Variants in HSCB observed in about 807,000 individuals in gnomAD.
HSCB encodes iron-sulfur cluster co-chaperone protein HscB.
HSCB carries 23 observed loss-of-function variants against 31.3 expected under a neutral mutation model. That is an observed-to-expected ratio of 0.74 (90% CI 0.53 to 1.04). The LOEUF (loss-of-function observed/expected upper bound fraction) is 1.04, where lower values mean the gene tolerates loss of function less well. Among genes scored for constraint, HSCB ranks in the 50% least tolerant of loss-of-function variants. The pLI is 0.00. For synonymous variants in HSCB, 110 were observed against 104.5 expected (o/e 1.05, Z -0.32); for missense variants, 297 against 288.1 (o/e 1.03, Z -0.22).
intron 4 of HSCB, among the ~76,000 whole-genome samples, chr22:28,749,282 C>T (rs2030063761): frequency 6.6e-6 from 1 of 152,146 alleles, no homozygotes; most frequent in African/African-American, 2.4e-5. Flanking sequence ...CTTCCAGTTC[C>T]TCATCTATAC....
chr22:28,757,206 G>T lies in HSCB; in HGVS notation c.*37G>T, dbSNP rs747399462. On this transcript the variant is annotated 3_prime_UTR_variant, in exon 6 of 6. Transcript: ENST00000216027. ...TTAAAGTTTAAAAAATAAAGTTCTT[G>T]CTGGGCACAGTGGCTCACACCTGTA... The T allele has an allele frequency of 8.7e-7, 1 of 1,149,096 alleles. No individual in the cohort carries two copies. The highest frequency in any genetic ancestry group is 1.2e-5 in the South Asian group (1 of 80,862). 71.2% of individuals were successfully genotyped at this position (1,149,096 alleles called of 1,614,324 possible). A position where few individuals can be genotyped will look rare whatever the true frequency, so the allele number is the denominator to read the frequency against.
intron 4 of HSCB, among the ~76,000 whole-genome samples, chr22:28,749,120 A>G (rs2030044205): frequency 6.6e-6 from 1 of 150,734 alleles, no homozygotes; most frequent in African/African-American, 2.5e-5. Context: ...CAGTTTCAGC[A>G]ACAGAGCGAA....
chr22:28,750,247 C>CA (rs563701958), intron 4 of HSCB, among the ~76,000 whole-genome samples: 1,944 of 64,678 alleles, frequency 0.03, 276 homozygotes, highest in Non-Finnish European at 0.042. Flanking sequence ...GAAACTGTCT[C>CA]AAAAAAAAAA....
Position 28,742,243 on chromosome 22 carries a change from C to G in HSCB, c.148C>G (p.Pro50Ala), listed in dbSNP as rs772138846. 2 of 1,614,056 alleles carry G rather than the reference C, an allele frequency of 1.2e-6. No individual in the cohort carries two copies. Among genetic ancestry groups the G allele is most frequent in the Non-Finnish European group, 1.7e-6 (2 of 1,180,024 alleles). ...RCWNCGGPWG[P>A]GREDRFFCPQ... ...TTGGAACTGCGGCGGCCCATGGGGC[C>G]CCGGGCGGGAGGACAGGTTCTTCTG... Residue 50 changes from proline to alanine, a missense_variant, in exon 1 of 6, where the codon CCC (proline) becomes GCC (alanine). Coordinates refer to ENST00000216027, the MANE Select transcript of HSCB (RefSeq NM_172002.5).
Position 28,743,955 on chromosome 22 carries a change from G to T in HSCB, c.310G>T (p.Asp104Tyr). 4 of 1,614,116 alleles carry T rather than the reference G, an allele frequency of 2.5e-6. No individual in the cohort carries two copies. Among genetic ancestry groups the T allele is most frequent in the Non-Finnish European group, 3.4e-6 (4 of 1,179,974 alleles). The stretch of plus-strand genomic sequence containing the variant: ...GCAACTGCAGCGTCTTGTCCACCCA[G>T]ATTTCTTCAGCCAGAGGTCTCAGGT... ...YQQLQRLVHP[D>Y]FFSQRSQTEK... The change falls in exon 2 of 6, where the codon GAT becomes TAT. Residue 104 changes from aspartate (D) to tyrosine (Y), a missense_variant. By Grantham distance (160) the Asp-to-Tyr change is radical. Transcript: ENST00000216027.
intron 1 of HSCB, 165 bp downstream of exon 1, chr22:28,742,496 A>C: frequency 7.9e-7 from 1 of 1,262,738 alleles, no homozygotes; most frequent in Non-Finnish European, 1.1e-6. Context: ...TCTCAGGAGG[A>C]AATTGAGAGG....
intron 4 of HSCB, among the ~76,000 whole-genome samples, chr22:28,750,247 C>CAAAAAAAAAAAAAAAAAAAA (rs563701958): frequency 1.5e-5 from 1 of 64,698 alleles, no homozygotes; most frequent in Non-Finnish European, 3.1e-5. Context: ...GAAACTGTCT[C>CAAAAAAAAAAAAAAAAAAAA]AAAAAAAAAA....
At chr22:28,748,156 G>A (rs767350271) in intron 4 of HSCB, among the ~76,000 whole-genome samples, 6 of 152,194 alleles carry the variant, frequency 3.9e-5, no homozygotes, top group Non-Finnish European at 8.8e-5. Flanking sequence ...CTGCACTCCA[G>A]CCTGAGTGAC....
At chr22:28,750,952 T>TTTTTTTTTG (rs2030197538) in intron 4 of HSCB, among the ~76,000 whole-genome samples, 1 of 142,496 alleles carries the variant, frequency 7.0e-6, no homozygotes, top group African/African-American at 2.6e-5. Flanking sequence ...TGTCTTTTTT[T>TTTTTTTTTG]TTTTTTTTTT....
intron 4 of HSCB, 33 bp downstream of exon 4, chr22:28,746,041 T>C (rs2054681647): frequency 1.3e-6 from 2 of 1,581,788 alleles, no homozygotes; most frequent in South Asian, 1.1e-5. Flanking sequence ...ATGTATTTCA[T>C]TGCTGTTATG....
intron 5 of HSCB, among the ~76,000 whole-genome samples, chr22:28,756,699 G>C (rs1259154542): frequency 6.6e-6 from 1 of 150,732 alleles, no homozygotes; most frequent in African/African-American, 2.4e-5. Context: ...TTGCTTTGTT[G>C]CCCAGGCTGG....
intron 1 of HSCB, 131 bp downstream of exon 1, chr22:28,742,462 A>T: frequency 7.1e-7 from 1 of 1,412,544 alleles, no homozygotes; most frequent in Non-Finnish European, 9.4e-7. Flanking sequence ...TCTAGAGAGC[A>T]GGCGTGAGAG....
At chr22:28,751,855 T>C (rs2146220128) in intron 5 of HSCB, among the ~76,000 whole-genome samples, 1 of 149,690 alleles carries the variant, frequency 6.7e-6, no homozygotes, top group African/African-American at 2.5e-5. Context: ...TTTGGGAGGG[T>C]GAGGTGGGCA....
chr22:28,751,405 A>G (rs2030245495), intron 5 of HSCB, 117 bp downstream of exon 5: 1 of 590,478 alleles, frequency 1.7e-6, no homozygotes, highest in Non-Finnish European at 3.0e-6. Flanking sequence ...ATAGGGAGAT[A>G]TGAAATACTT....
intron 4 of HSCB, among the ~76,000 whole-genome samples, chr22:28,748,341 A>T (rs1162355098): frequency 6.6e-6 from 1 of 152,090 alleles, no homozygotes; most frequent in African/African-American, 2.4e-5. Context: ...TTTGCCTCAA[A>T]TTCATCCACC....
At chr22:28,753,093 T>C (rs1046489309) in intron 5 of HSCB, among the ~76,000 whole-genome samples, 2 of 151,750 alleles carry the variant, frequency 1.3e-5, no homozygotes, top group Admixed American at 6.6e-5. Flanking sequence ...AAAAAAATTA[T>C]TTAGAGTGGA....
chr22:28,750,296 G>A (rs1426115206), intron 4 of HSCB, among the ~76,000 whole-genome samples: 3 of 137,434 alleles, frequency 2.2e-5, no homozygotes, highest in Middle Eastern at 3.7e-3. Flanking sequence ...TAGCCCTATA[G>A]TAAACATTTG....
rs2054656933 is a variant in HSCB at position 28,744,779 on chromosome 22, T to A, written c.423+75T>A. On this transcript the variant is annotated intron_variant, in intron 3 of 5. Coordinates refer to ENST00000216027, the MANE Select transcript of HSCB (RefSeq NM_172002.5). Reference sequence around the variant, plus strand: ...TGGCGTAGGACAGCCACGTCCCCTTTATTCAGCAGAAGAGTGCTTGAGGTC... The same window carrying A: ...TGGCGTAGGACAGCCACGTCCCCTTAATTCAGCAGAAGAGTGCTTGAGGTC... 4 of 1,165,750 alleles carry A rather than the reference T, an allele frequency of 3.4e-6. No homozygotes were observed. In the East Asian group the frequency reaches 9.3e-5, roughly 27 times the overall value. 72.2% of individuals were successfully genotyped at this position (1,165,750 alleles called of 1,614,324 possible).
rs764333575 is a variant in HSCB, at chr22:28,743,991, C to A, written c.333+13C>A. ...CCAGAGGTCTCAGGTAGCTTATTGG[C>A]CAACCCCAATAATCCCCAAATATGT... On this transcript the variant is annotated intron_variant, in intron 2 of 5. Transcript: ENST00000216027. 6.3e-7 allele frequency: 1 copy of A among 1,578,204 alleles called. No homozygotes were observed. The highest frequency in any genetic ancestry group is 1.7e-5 in the Admixed American group (1 of 59,976).
Sources: gnomAD v4.1 joint callset for allele counts (sites outside exome capture counted in the v4.1 genomes callset) on GRCh38, gnomAD v4.1.1 for gene constraint, MANE v1.5 for transcripts, NCBI Gene and HGNC (gene_info 2026-07-23, HGNC 2026-07-21) for gene names.